The following CHL1 variants were observed in gnomAD, a reference collection of about 807,000 sequenced individuals.
The protein encoded by CHL1 is cell adhesion molecule L1 like.
A neutral mutation model predicts 141.9 loss-of-function variants in CHL1; 96 were observed. That is an observed-to-expected ratio of 0.68 (90% CI 0.57 to 0.80). CHL1 has a LOEUF of 0.80. Ranked by LOEUF, CHL1 falls within the 30% of genes least tolerant of loss-of-function variation. The pLI is 0.00. For missense variants in CHL1, 1,820 were observed against 1,457.2 expected, an observed-to-expected ratio of 1.25 and a Z score of -4.05; for synonymous variants, 613 against 502.2, an observed-to-expected ratio of 1.22 and a Z score of -2.95.
intron 9 of CHL1, among the ~76,000 whole-genome samples, chr3:348,704 C>T (rs935699775): frequency 2.0e-5 from 3 of 152,150 alleles, no homozygotes; most frequent in Non-Finnish European, 2.9e-5. Context: ...CTTTTGAAAG[C>T]GCTAAGCAAG....
intron 1 of CHL1, among the ~76,000 whole-genome samples, chr3:207,802 A>G (rs1699568412): frequency 6.6e-6 from 1 of 152,194 alleles, no homozygotes; most frequent in African/African-American, 2.4e-5. Flanking sequence ...GGGTTTCAAC[A>G]GTCTGCTCTT....
intron 1 of CHL1, among the ~76,000 whole-genome samples, chr3:212,519 C>T (rs17263957): frequency 0.065 from 9,897 of 152,142 alleles, 421 homozygotes; most frequent in Middle Eastern, 0.18. Flanking sequence ...ATTTCTGCCT[C>T]GAACAGTCAC....
intron 2 of CHL1, among the ~76,000 whole-genome samples, chr3:249,102 T>C (rs1693445028): frequency 6.6e-6 from 1 of 152,196 alleles, no homozygotes; most frequent in African/African-American, 2.4e-5. Context: ...GTGGATTTTA[T>C]TGGACTGCAC....
intron 1 of CHL1, chr3:213,513 T>C (rs1272633706): frequency 1.3e-5 from 2 of 152,182 alleles, no homozygotes; most frequent in Non-Finnish European, 2.9e-5. Context: ...TATATGCCCA[T>C]AAAATATTAA....
At chr3:307,474 C>G (rs1699344455) in intron 2 of CHL1, among the ~76,000 whole-genome samples, 1 of 152,186 alleles carries the variant, frequency 6.6e-6, no homozygotes, top group African/African-American at 2.4e-5. Flanking sequence ...CAGGATTCAG[C>G]TACATTTTCG....
intron 2 of CHL1, among the ~76,000 whole-genome samples, chr3:266,929 T>C (rs1339919763): frequency 6.6e-6 from 1 of 152,200 alleles, no homozygotes; most frequent in African/African-American, 2.4e-5. Context: ...ACCCTCCCCT[T>C]ACTTGAAATA....
chr3:242,797 TG>T (rs1324727667), intron 1 of CHL1, among the ~76,000 whole-genome samples: 1 of 152,126 alleles, frequency 6.6e-6, no homozygotes, highest in African/African-American at 2.4e-5. Context: ...GAGAGCTCTG[TG>T]GGCGTAGGCT....
intron 15 of CHL1, among the ~76,000 whole-genome samples, chr3:370,880 C>A (rs113512617): frequency 0.25 from 38,538 of 152,068 alleles, 5,360 homozygotes; most frequent in East Asian, 0.43. Flanking sequence ...CATTCAGGAG[C>A]AAGTTTATCA....
intron 1 of CHL1, among the ~76,000 whole-genome samples, chr3:199,068 T>A (rs904404855): frequency 1.3e-5 from 2 of 152,230 alleles, no homozygotes; most frequent in Non-Finnish European, 2.9e-5. Context: ...TTAATTTCAG[T>A]CTCTTTGTGA....
chr3:356,701 G>T (rs1703747656), intron 11 of CHL1, among the ~76,000 whole-genome samples: 1 of 152,164 alleles, frequency 6.6e-6, no homozygotes, highest in Admixed American at 6.6e-5. Context: ...CAGGGAAAGT[G>T]CTGTCTCAGT....
chr3:252,977 C>A (rs1463767161), intron 2 of CHL1, among the ~76,000 whole-genome samples: 2 of 151,676 alleles, frequency 1.3e-5, no homozygotes, highest in South Asian at 4.2e-4. Context: ...ATTAGCATGG[C>A]CTAATTATCT....
intron 11 of CHL1, among the ~76,000 whole-genome samples, chr3:355,661 A>T (rs1465393569): frequency 6.6e-6 from 1 of 152,208 alleles, no homozygotes; most frequent in African/African-American, 2.4e-5. Flanking sequence ...GGTCCCGTCT[A>T]GGATGTGCAC....
chr3:221,923 G>C (rs1200165461), intron 1 of CHL1, among the ~76,000 whole-genome samples: 1 of 152,130 alleles, frequency 6.6e-6, no homozygotes, highest in East Asian at 1.9e-4. Flanking sequence ...TTGATTTTAT[G>C]ACTTAGGTTT....
chr3:375,899 C>T (rs569452532), intron 15 of CHL1, among the ~76,000 whole-genome samples: 3 of 152,230 alleles, frequency 2.0e-5, no homozygotes, highest in South Asian at 2.1e-4. Flanking sequence ...CAGGGAAACA[C>T]GGATATTACT....
intron 15 of CHL1, 137 bp from the exon 16 acceptor site, chr3:377,681 A>T (rs1706507921): frequency 1.5e-6 from 1 of 678,774 alleles, no homozygotes; most frequent in East Asian, 2.8e-5. Context: ...GGCATTCTCT[A>T]ATCAAATTTG....
At chr3:350,729 T>C (rs1703174171) in intron 10 of CHL1, among the ~76,000 whole-genome samples, 1 of 152,178 alleles carries the variant, frequency 6.6e-6, no homozygotes, top group South Asian at 2.1e-4. Flanking sequence ...ATGCATATTA[T>C]TATTTAAGGT....
chr3:234,865 C>T (rs1376652566), intron 1 of CHL1, among the ~76,000 whole-genome samples: 2 of 152,156 alleles, frequency 1.3e-5, no homozygotes, highest in South Asian at 4.1e-4. Flanking sequence ...GTACAATGCT[C>T]TGGGACAGAA....
intron 1 of CHL1, among the ~76,000 whole-genome samples, chr3:239,190 C>CGCA (rs1462218350): frequency 6.6e-6 from 1 of 152,088 alleles, no homozygotes; most frequent in African/African-American, 2.4e-5. Context: ...CTGCTGCTAC[C>CGCA]GCAGCTGCCC....
chr3:266,003 A>G (rs962880373), intron 2 of CHL1, among the ~76,000 whole-genome samples: 2 of 152,224 alleles, frequency 1.3e-5, no homozygotes, highest in Admixed American at 1.3e-4. Context: ...CTGTGTGGCT[A>G]ACCCACTAGG....
Sources: gnomAD v4.1 joint callset for allele counts (sites outside exome capture counted in the v4.1 genomes callset) on GRCh38, gnomAD v4.1.1 for gene constraint, MANE v1.5 for transcripts, NCBI Gene and HGNC (gene_info 2026-07-23, HGNC 2026-07-21) for gene names.